The following TENT5D variants were observed in gnomAD, a reference collection of about 807,000 sequenced individuals.
The protein encoded by TENT5D is cancer/testis antigen 112.
For synonymous variants in TENT5D, 103 were observed against 100.6 expected (o/e 1.02, Z -0.15); for missense variants, 191 against 287.0 (o/e 0.67, Z 2.42).
intron 1 of TENT5D, among the ~76,000 whole-genome samples, chrX:80,422,773 G>C (rs775730766): frequency 3.6e-5 from 4 of 111,838 alleles, no homozygotes; most frequent in African/African-American, 9.7e-5. Flanking sequence ...GTGTTTAAGA[G>C]GGATGTGAAA....
chrX:80,430,419 T>G (rs1281634668), intron 1 of TENT5D, among the ~76,000 whole-genome samples: 2 of 111,160 alleles, frequency 1.8e-5, no homozygotes, highest in Non-Finnish European at 3.8e-5. Context: ...CATTTAGAAG[T>G]TGCATTTGAG....
At position 80,355,922 on chromosome X, in the gene TENT5D, C is replaced by T. The variant is rs144823151; in HGVS notation, c.-142+13358C>T. Among the ~76,000 whole-genome samples the T allele has an allele frequency of 4.6e-3, 514 of 111,520 alleles. 7 individuals are homozygous for T. The highest frequency in any genetic ancestry group is 0.016 in the African/African-American group (483 of 30,690). ...TTATTTACCAACTTCTAGGGTGTCC[C>T]GGTATCCTATCTGTGGAACTCCCAG... On this transcript the variant is annotated intron_variant, in intron 3 of 4. Coordinates refer to the TENT5D transcript ENST00000538312.
intron 3 of TENT5D, among the ~76,000 whole-genome samples, chrX:80,404,006 A>G (rs1403529051): frequency 9.0e-6 from 1 of 111,641 alleles, no homozygotes; most frequent in Non-Finnish European, 1.9e-5. Context: ...GACAACTTAA[A>G]GTAGGGGCTT....
chrX:80,338,339 A>G (rs974945448), intron 2 of TENT5D, among the ~76,000 whole-genome samples: 2 of 111,926 alleles, frequency 1.8e-5, no homozygotes, highest in African/African-American at 6.5e-5. Flanking sequence ...TCACATATTG[A>G]TAAATCAGAT....
intron 3 of TENT5D, among the ~76,000 whole-genome samples, chrX:80,380,844 A>G (rs941312653): frequency 5.4e-5 from 6 of 110,825 alleles, no homozygotes; most frequent in East Asian, 2.8e-4. Context: ...TTTTGAGTCT[A>G]TGTGTGTCTT....
At chrX:80,409,031 T>A (rs1375391821) in intron 3 of TENT5D, among the ~76,000 whole-genome samples, 6 of 110,521 alleles carry the variant, frequency 5.4e-5, no homozygotes, top group Admixed American at 1.9e-4. Context: ...AGAAAAAGCC[T>A]TTGACAAAAT....
At chrX:80,350,159 A>G (rs1340920049) in intron 3 of TENT5D, among the ~76,000 whole-genome samples, 1 of 111,563 alleles carries the variant, frequency 9.0e-6, no homozygotes, top group Non-Finnish European at 1.9e-5. Context: ...GATGTCTACT[A>G]GGTCTGCTTG....
chrX:80,382,780 G>A (rs771815373), intron 3 of TENT5D, among the ~76,000 whole-genome samples: 13 of 111,694 alleles, frequency 1.2e-4, no homozygotes, highest in South Asian at 3.8e-4. Flanking sequence ...AAGGCTCCGT[G>A]GACGTGGGAC....
intron 3 of TENT5D, among the ~76,000 whole-genome samples, chrX:80,394,920 C>G (rs1015451961): frequency 9.0e-6 from 1 of 111,178 alleles, no homozygotes; most frequent in Non-Finnish European, 1.9e-5. Context: ...AATACATTAT[C>G]GTTAACTATA....
chrX:80,382,064 G>A (rs750934323), intron 3 of TENT5D, among the ~76,000 whole-genome samples: 10 of 111,974 alleles, frequency 8.9e-5, no homozygotes, highest in Non-Finnish European at 1.9e-5. Flanking sequence ...CAGCTTTTCT[G>A]CTCTGGTTTC....
At chrX:80,436,303 A>T (rs1360042688) in intron 1 of TENT5D, among the ~76,000 whole-genome samples, 1 of 111,266 alleles carries the variant, frequency 9.0e-6, no homozygotes, top group Non-Finnish European at 1.9e-5. Flanking sequence ...AAAATTAGGG[A>T]ACTCTTTGAT....
chrX:80,418,791 A>G (rs1931827603), upstream of TENT5D, among the ~76,000 whole-genome samples: 1 of 111,881 alleles, frequency 8.9e-6, no homozygotes, highest in African/African-American at 3.2e-5. Flanking sequence ...TATTTTAAAC[A>G]TGTAGTACTT....
At chrX:80,408,731 C>T (rs1240983032) in intron 3 of TENT5D, among the ~76,000 whole-genome samples, 2 of 111,256 alleles carry the variant, frequency 1.8e-5, no homozygotes, top group Non-Finnish European at 3.8e-5. Flanking sequence ...AGAGGGAATC[C>T]TCCCTAACTC....
chrX:80,391,314 T>A (rs1931122637), intron 3 of TENT5D, among the ~76,000 whole-genome samples: 1 of 111,688 alleles, frequency 9.0e-6, no homozygotes, highest in Non-Finnish European at 1.9e-5. Context: ...GAGGTGAGGT[T>A]AATATAATTT....
chrX:80,373,619 G>C (rs1398811784), intron 3 of TENT5D, among the ~76,000 whole-genome samples: 1 of 110,939 alleles, frequency 9.0e-6, no homozygotes, highest in East Asian at 2.8e-4. Flanking sequence ...TAAATAATTT[G>C]ACCAAAGCTA....
At chrX:80,441,651 A>G (rs1932284589) in intron 2 of TENT5D, among the ~76,000 whole-genome samples, 2 of 111,617 alleles carry the variant, frequency 1.8e-5, no homozygotes, top group African/African-American at 6.5e-5. Context: ...ACATAACAAC[A>G]TAATTGTATC....
intron 1 of TENT5D, among the ~76,000 whole-genome samples, chrX:80,425,003 T>C (rs1454237358): frequency 8.9e-6 from 1 of 112,690 alleles, no homozygotes; most frequent in East Asian, 2.8e-4. Flanking sequence ...GTACAGGGAC[T>C]GTGTAGACAA....
intron 3 of TENT5D, among the ~76,000 whole-genome samples, chrX:80,398,865 G>T (rs1931338279): frequency 9.0e-6 from 1 of 110,654 alleles, no homozygotes; most frequent in African/African-American, 3.3e-5. Flanking sequence ...AAATTTCTAT[G>T]GAACCATGAA....
At chrX:80,360,466 C>T (rs1930384492) in intron 3 of TENT5D, among the ~76,000 whole-genome samples, 1 of 111,841 alleles carries the variant, frequency 8.9e-6, no homozygotes, top group African/African-American at 3.2e-5. Flanking sequence ...TTGGTGCTAG[C>T]CATACTCAAA....
Sources: gnomAD v4.1 joint callset for allele counts (sites outside exome capture counted in the v4.1 genomes callset) on GRCh38, gnomAD v4.1.1 for gene constraint, MANE v1.5 for transcripts, NCBI Gene and HGNC (gene_info 2026-07-23, HGNC 2026-07-21) for gene names.